COG3: variants seen among roughly 807,000 people sequenced by gnomAD.
The protein encoded by COG3 is component of oligomeric golgi complex 3.
A neutral mutation model predicts 114.1 loss-of-function variants in COG3; 32 were observed. The observed-to-expected ratio is 0.28, with a 90% CI of 0.21 to 0.38. The LOEUF (loss-of-function observed/expected upper bound fraction) is 0.38, where lower values mean the gene tolerates loss of function less well. Among genes scored for constraint, COG3 ranks in the 10% least tolerant of loss-of-function variants. COG3 has a pLI of 1.00. For missense variants in COG3, 813 were observed against 973.2 expected (o/e 0.84, Z 2.19); for synonymous variants, 352 against 365.7 (o/e 0.96, Z 0.43).
In COG3 at chr13:45,534,834, C is replaced by T. The variant is rs766923189; in HGVS notation, c.*103C>T. On this transcript the variant is annotated 3_prime_UTR_variant, in exon 23 of 23. Coordinates refer to ENST00000349995, the MANE Select transcript of COG3 (RefSeq NM_031431.4). ...GAGGAATCGTATGTGGGAACGTCCC[C>T]GAGAACCACACGAGCGTGCTGCTCA... 6.5e-5 allele frequency: 93 copies of T among 1,431,336 alleles called. No homozygotes were observed. Among genetic ancestry groups the T allele is most frequent in the Non-Finnish European group, 7.8e-5 (85 of 1,096,052 alleles). The allele number at this position is 1,431,336 out of a possible 1,614,324, so 88.7% of individuals were successfully genotyped here.
chr13:45,532,390 GATTTA>G (rs1212835738), intron 22 of COG3, among the ~76,000 whole-genome samples: 2 of 151,524 alleles, frequency 1.3e-5, no homozygotes, highest in African/African-American at 2.4e-5. Context: ...TTTCTATTTT[GATTTA>G]ATTTTGTTTC....
At chr13:45,497,784 T>TGAACAACAACAA (rs6145032) in intron 13 of COG3, among the ~76,000 whole-genome samples, 1 of 147,138 alleles carries the variant, frequency 6.8e-6, no homozygotes, top group African/African-American at 2.6e-5. Flanking sequence ...AGACCCTGTC[T>TGAACAACAACAA]CAACAACAAC....
At position 45,526,157 on chromosome 13, in the gene COG3, C is replaced by T. The variant is rs1464506321; in HGVS notation, c.2230+1106C>T. ...AGGCTGGAGTGCAGTGGCGTGATCT[C>T]GGCTCACTGCAACCACCTCCTGGAT... is the stretch of plus-strand genomic sequence containing the variant. On this transcript the variant is annotated intron_variant, in intron 20 of 22. Transcript: ENST00000349995. Among the ~76,000 whole-genome samples, 3 of 116,182 alleles carry T rather than the reference C, an allele frequency of 2.6e-5. No homozygotes were observed. The East Asian group carries it at 8.9e-4, about 34-fold the overall frequency. The allele number at this position is 116,182 out of a possible 152,430, so 76.2% of individuals were successfully genotyped here.
Position 45,481,204 on chromosome 13 carries a change from G to T in COG3, c.550-26G>T. ...TGATTCTTATATTCTTATAATAATT[G>T]ATTTTTCTCTTTTAAAAAATGCAAG... On this transcript the variant is annotated intron_variant, in intron 4 of 22. Transcript: ENST00000349995. 2.3e-6 allele frequency: 3 copies of T among 1,314,838 alleles called. No homozygotes were observed. In the South Asian group the frequency reaches 3.7e-5, roughly 16 times the overall value. The allele number at this position is 1,314,838 out of a possible 1,614,324, so 81.4% of individuals were successfully genotyped here.
At chr13:45,510,013 C>T (rs1041733210) in intron 15 of COG3, among the ~76,000 whole-genome samples, 197 bp downstream of exon 15, 2 of 152,134 alleles carry the variant, frequency 1.3e-5, no homozygotes, top group African/African-American at 4.8e-5. Context: ...CAGTAATGGG[C>T]TTTGGGGAGT....
chr13:45,470,213 G>T (rs983286758), intron 1 of COG3, among the ~76,000 whole-genome samples: 4 of 152,180 alleles, frequency 2.6e-5, no homozygotes, highest in Admixed American at 1.3e-4. Flanking sequence ...TACTTCCTTT[G>T]TATATGCATA....
intron 22 of COG3, among the ~76,000 whole-genome samples, chr13:45,532,486 C>T (rs73480494): frequency 0.037 from 5,555 of 151,102 alleles, 340 homozygotes; most frequent in African/African-American, 0.13. Flanking sequence ...GTTCCTTTTC[C>T]GATCCCCTCC....
Position 45,480,301 on chromosome 13 carries a change from G to A in COG3, c.549+11G>A, listed in dbSNP as rs780719393. On this transcript the variant is annotated intron_variant, in intron 4 of 22. Coordinates refer to ENST00000349995, the MANE Select transcript of COG3 (RefSeq NM_031431.4). Reference sequence around the variant, plus strand: ...CTCCTAAAAGAACAGGTAATTTGGAGTAAGAGAGAGGATCAGTCATTATAT... The same window carrying A: ...CTCCTAAAAGAACAGGTAATTTGGAATAAGAGAGAGGATCAGTCATTATAT... 1.3e-6 allele frequency: 2 copies of A among 1,575,148 alleles called. No homozygotes were observed. Among genetic ancestry groups the A allele is most frequent in the Middle Eastern group, 1.7e-4 (1 of 5,912 alleles).
At chr13:45,528,440 T>G (rs557346594) in intron 20 of COG3, among the ~76,000 whole-genome samples, 1 of 152,324 alleles carries the variant, frequency 6.6e-6, no homozygotes, top group East Asian at 1.9e-4. Context: ...GCAAGAGCAT[T>G]GGTACTTTCT....
chr13:45,530,451 T>TG (rs767225521), intron 21 of COG3, among the ~76,000 whole-genome samples: 2 of 152,212 alleles, frequency 1.3e-5, no homozygotes, highest in Non-Finnish European at 1.5e-5. Flanking sequence ...AATTATTCTC[T>TG]GGGGGGACAA....
Position 45,482,384 on chromosome 13 carries a change from T to C in COG3, c.628T>C (p.Leu210=), listed in dbSNP as rs777685707. The change falls in exon 6 of 23, where the codon TTG becomes CTG. Residue 210 remains leucine, a synonymous_variant. Coordinates refer to ENST00000349995, the MANE Select transcript of COG3 (RefSeq NM_031431.4). ...FNELETINTK[L]NSPTLSVNSD... is the part of the protein sequence containing the mutation. Reference sequence around the variant, plus strand: ...TTGTTTTCTTTTTCTCTTAAAGAAATTGAATTCCCCTACATTGTCGGTGAA... The same window carrying C: ...TTGTTTTCTTTTTCTCTTAAAGAAACTGAATTCCCCTACATTGTCGGTGAA... 6 of 1,495,402 alleles carry C rather than the reference T, an allele frequency of 4.0e-6. No homozygotes were observed. The highest frequency in any genetic ancestry group is 5.5e-6 in the Non-Finnish European group (6 of 1,089,002). The allele number at this position is 1,495,402 out of a possible 1,614,324, so 92.6% of individuals were successfully genotyped here.
chr13:45,530,285 G>A (rs947296337), intron 21 of COG3, among the ~76,000 whole-genome samples: 1 of 152,134 alleles, frequency 6.6e-6, no homozygotes, highest in East Asian at 1.9e-4. Flanking sequence ...GGCAACCAAG[G>A]GATTAAATGT....
intron 1 of COG3, among the ~76,000 whole-genome samples, chr13:45,467,961 C>T (rs896198329): frequency 3.3e-5 from 5 of 152,166 alleles, no homozygotes; most frequent in Non-Finnish European, 7.4e-5. Flanking sequence ...TAGAAAATAG[C>T]TTTCTCTTTT....
chr13:45,480,103 C>A, intron 3 of COG3, 22 bp from the exon 4 acceptor site: 1 of 1,562,838 alleles, frequency 6.4e-7, no homozygotes, highest in Non-Finnish European at 8.7e-7. Flanking sequence ...ATTGCCAATC[C>A]CCTTTTGGTT....
Position 45,465,651 on chromosome 13 carries a change from C to T in COG3, c.174+441C>T, listed in dbSNP as rs146859850. 959 of 158,648 alleles carry T rather than the reference C, an allele frequency of 6.0e-3. 14 individuals carry two copies. Among genetic ancestry groups the T allele is most frequent in the African/African-American group, 0.022 (918 of 41,702 alleles). The allele number at this position is 158,648 out of a possible 1,614,324, so 9.8% of individuals were successfully genotyped here. ...GCTCGTTTACCGCCTTAATGATTCA[C>T]CTAGGTTGCTTTGTCCATGGGGGTC... On this transcript the variant is annotated intron_variant, in intron 1 of 22. Transcript: ENST00000349995.
rs757430841 is a variant in COG3 at position 45,486,625 on chromosome 13, C to T, written c.924+50C>T. 6 of 1,103,596 alleles carry T rather than the reference C, an allele frequency of 5.4e-6. 1 individual carries two copies. The Admixed American group carries it at 6.7e-5, about 12-fold the overall frequency. The allele number at this position is 1,103,596 out of a possible 1,614,324, so 68.4% of individuals were successfully genotyped here. On this transcript the variant is annotated intron_variant, in intron 8 of 22. Transcript: ENST00000349995. ...CATTGCTATGAAATTTGTTCATCTG[C>T]CCTTTTGAAGTACTGTTGTATGTTA...
intron 22 of COG3, chr13:45,531,446 G>A (rs2137933859): frequency 6.6e-6 from 1 of 152,450 alleles, no homozygotes; most frequent in Admixed American, 6.5e-5. Flanking sequence ...AGCCTGACTG[G>A]GCTGGGTAGA....
At chr13:45,512,811 C>G (rs1871016383) in intron 16 of COG3, among the ~76,000 whole-genome samples, 1 of 151,416 alleles carries the variant, frequency 6.6e-6, no homozygotes, top group Admixed American at 6.6e-5. Context: ...GACAGGATCT[C>G]ACCATGTTGC....
intron 12 of COG3, among the ~76,000 whole-genome samples, chr13:45,494,231 A>G (rs1344353887): frequency 6.6e-6 from 1 of 150,996 alleles, no homozygotes; most frequent in African/African-American, 2.4e-5. Context: ...AGGCTTAGGC[A>G]GGAGAATTGC....
Sources: allele counts gnomAD v4.1 joint callset (sites outside exome capture counted in the v4.1 genomes callset), GRCh38; gene constraint gnomAD v4.1.1; transcripts MANE v1.5; gene names NCBI Gene and HGNC (gene_info 2026-07-23, HGNC 2026-07-21).